Variants in PRR16 observed in about 807,000 individuals in gnomAD.
PRR16 encodes the protein protein Largen.
A neutral mutation model predicts 18.2 loss-of-function variants in PRR16; 6 were observed. That is an observed-to-expected ratio of 0.33 (90% CI 0.18 to 0.65). The LOEUF (loss-of-function observed/expected upper bound fraction) is 0.65. Among genes scored for constraint, PRR16 ranks in the 30% least tolerant of loss-of-function variants. The pLI is 0.74. For synonymous variants in PRR16, 151 were observed against 147.8 expected (o/e 1.02, Z -0.16); for missense variants, 412 against 376.6 (o/e 1.09, Z -0.78).
chr5:120,747,725 T>G, the PRR16 span, among the ~76,000 whole-genome samples: 10 of 151,924 alleles, frequency 6.6e-5, no homozygotes, highest in Non-Finnish European at 1.3e-4. Flanking sequence ...TTAATCTGTT[T>G]ATAGAAAACA....
the PRR16 span, among the ~76,000 whole-genome samples, chr5:120,713,129 C>G: frequency 6.6e-6 from 1 of 152,028 alleles, no homozygotes; most frequent in Non-Finnish European, 1.5e-5. Context: ...CACATACACA[C>G]GCACATATAT....
the PRR16 span, among the ~76,000 whole-genome samples, chr5:120,770,206 C>T: frequency 6.6e-6 from 1 of 151,606 alleles, no homozygotes; most frequent in African/African-American, 2.4e-5. Flanking sequence ...TATTATGAGG[C>T]CCTGGTAATT....
chr5:120,694,394 T>C, the PRR16 span, among the ~76,000 whole-genome samples: 1 of 152,192 alleles, frequency 6.6e-6, no homozygotes, highest in East Asian at 1.9e-4. Context: ...ATGAGCATGA[T>C]AGAATTCTGG....
intron 1 of PRR16, among the ~76,000 whole-genome samples, chr5:120,575,156 A>T (rs909800219): frequency 1.3e-4 from 20 of 152,160 alleles, no homozygotes; most frequent in African/African-American, 4.6e-4. Flanking sequence ...AATTTATGAC[A>T]TTCAATATTA....
At chr5:120,534,983 A>T (rs1006067755) in intron 1 of PRR16, among the ~76,000 whole-genome samples, 17 of 152,200 alleles carry the variant, frequency 1.1e-4, no homozygotes, top group African/African-American at 4.1e-4. Flanking sequence ...AAAAGTATGT[A>T]TCGTGAGGAG....
At chr5:120,789,755 AAT>A in the PRR16 span, among the ~76,000 whole-genome samples, 2 of 152,140 alleles carry the variant, frequency 1.3e-5, no homozygotes, top group African/African-American at 4.8e-5. Flanking sequence ...TAAGTTATAA[AAT>A]AATATATACA....
At chr5:120,761,958 G>A in the PRR16 span, among the ~76,000 whole-genome samples, 3 of 152,030 alleles carry the variant, frequency 2.0e-5, no homozygotes, top group South Asian at 6.2e-4. Context: ...CCATATATGA[G>A]CGAAAATATG....
the PRR16 span, among the ~76,000 whole-genome samples, chr5:120,763,024 G>GTACTT: frequency 6.6e-6 from 1 of 152,046 alleles, no homozygotes; most frequent in African/African-American, 2.4e-5. Context: ...TAAAGATAAT[G>GTACTT]TACTTTCCCC....
chr5:120,771,000 CTA>C, the PRR16 span, among the ~76,000 whole-genome samples: 1 of 149,742 alleles, frequency 6.7e-6, no homozygotes, highest in Non-Finnish European at 1.5e-5. Flanking sequence ...ATTTGAATGT[CTA>C]TCTTTATTAT....
intron 1 of PRR16, among the ~76,000 whole-genome samples, chr5:120,628,160 A>G (rs1248336137): frequency 1.3e-5 from 2 of 151,942 alleles, no homozygotes; most frequent in African/African-American, 4.8e-5. Flanking sequence ...TTTGTTTTTT[A>G]TTTGCAGTTG....
chr5:120,578,117 C>T (rs961348587), intron 1 of PRR16, among the ~76,000 whole-genome samples: 32 of 152,010 alleles, frequency 2.1e-4, no homozygotes, highest in Admixed American at 4.6e-4. Context: ...AGTTACTTAC[C>T]CCAAATCCAA....
intron 1 of PRR16, among the ~76,000 whole-genome samples, chr5:120,589,757 T>G (rs1263970423): frequency 6.6e-6 from 1 of 152,126 alleles, no homozygotes; most frequent in Non-Finnish European, 1.5e-5. Flanking sequence ...ATGATTCAAA[T>G]TAATTATCTC....
chr5:120,667,666 G>A (rs1181751019), intron 1 of PRR16, among the ~76,000 whole-genome samples: 7 of 151,248 alleles, frequency 4.6e-5, no homozygotes, highest in Admixed American at 2.0e-4. Flanking sequence ...CTTTGTTCTC[G>A]TTGGTTTCAA....
chr5:120,789,881 TTGTG>T, the PRR16 span: 1 of 147,604 alleles, frequency 6.8e-6, no homozygotes, highest in Non-Finnish European at 1.5e-5. Context: ...TTAATAATCT[TTGTG>T]TGTTTTTGTT....
chr5:120,552,806 C>T (rs1752294307), intron 1 of PRR16, among the ~76,000 whole-genome samples: 1 of 151,792 alleles, frequency 6.6e-6, no homozygotes, highest in African/African-American at 2.4e-5. Flanking sequence ...GTTTTTGTTT[C>T]AATAATGTGT....
chr5:120,504,166 C>G (rs1055824353), intron 1 of PRR16, among the ~76,000 whole-genome samples: 1 of 152,036 alleles, frequency 6.6e-6, no homozygotes, highest in Non-Finnish European at 1.5e-5. Flanking sequence ...TAATGCTATC[C>G]CTCCCCACTC....
chr5:120,768,843 A>G, the PRR16 span, among the ~76,000 whole-genome samples: 1 of 151,774 alleles, frequency 6.6e-6, no homozygotes, highest in African/African-American at 2.4e-5. Context: ...CATTGCCTAC[A>G]GCTGTGGTCT....
chr5:120,503,177 A>T (rs898281129), intron 1 of PRR16, among the ~76,000 whole-genome samples: 1 of 152,174 alleles, frequency 6.6e-6, no homozygotes, highest in Non-Finnish European at 1.5e-5. Context: ...AAATATCATT[A>T]AAAAATCTTA....
chr5:120,622,002 A>G (rs1561578463), intron 1 of PRR16, among the ~76,000 whole-genome samples: 1 of 152,134 alleles, frequency 6.6e-6, no homozygotes, highest in African/African-American at 2.4e-5. Context: ...GTCTTTGCTG[A>G]TCACTTGACC....
Sources: gnomAD v4.1 joint callset for allele counts (sites outside exome capture counted in the v4.1 genomes callset) on GRCh38, gnomAD v4.1.1 for gene constraint, MANE v1.5 for transcripts, NCBI Gene and HGNC (gene_info 2026-07-23, HGNC 2026-07-21) for gene names.